The following STIMATE variants were observed in gnomAD, a reference collection of about 807,000 sequenced individuals.
STIMATE encodes the protein STIM activating enhancer.
Under a neutral mutation model 36.7 loss-of-function variants are expected in STIMATE, and 15 were observed. The observed-to-expected ratio is 0.41, with a 90% CI of 0.27 to 0.63. The LOEUF (loss-of-function observed/expected upper bound fraction) is 0.63. Ranked by LOEUF, STIMATE falls within the 20% of genes least tolerant of loss-of-function variation. The probability of loss-of-function intolerance (pLI) is 0.32; values close to 1 mark genes in which losing one functional copy is unlikely to be tolerated. For missense variants in STIMATE, 305 were observed against 397.3 expected, an observed-to-expected ratio of 0.77 and a Z score of 1.98; for synonymous variants, 163 against 162.3, an observed-to-expected ratio of 1.00 and a Z score of -0.03.
At chr3:52,851,214 T>C (rs540527612) in intron 3 of STIMATE, among the ~76,000 whole-genome samples, 2 of 152,358 alleles carry the variant, frequency 1.3e-5, no homozygotes, top group South Asian at 4.1e-4. Flanking sequence ...TTGAGGGCCT[T>C]GTACCCAGAT....
At chr3:52,859,502 CAAAAAAAAAAAAAAAA>C (rs34298807) in intron 1 of STIMATE, among the ~76,000 whole-genome samples, 1 of 15,636 alleles carries the variant, frequency 6.4e-5, no homozygotes, top group Non-Finnish European at 1.2e-4. Context: ...CCCATTTCTC[CAAAAAAAAAAAAAAAA>C]AAAAAAAAAA....
At position 52,838,704 on chromosome 3, in the gene STIMATE, G is replaced by A. The variant is rs2106640733; in HGVS notation, c.*1790C>T. ...CTGCACTCCTGGTGGAAGATGGGCTGAGAAGGCCTGCCTGATGCTCGCCTT... is the reference window on the plus strand; with the variant it reads ...CTGCACTCCTGGTGGAAGATGGGCTAAGAAGGCCTGCCTGATGCTCGCCTT... On this transcript the variant is annotated 3_prime_UTR_variant, in exon 8 of 8. Transcript: ENST00000355083. The A allele has an allele frequency of 6.6e-6, 1 of 152,402 alleles. No individual in the cohort carries two copies. Among genetic ancestry groups the A allele is most frequent in the East Asian group, 1.9e-4 (1 of 5,192 alleles). The allele number at this position is 152,402 out of a possible 1,614,324, so 9.4% of individuals were successfully genotyped here. A position where few individuals can be genotyped will look rare whatever the true frequency, so the allele number is the denominator to read the frequency against.
intron 1 of STIMATE, among the ~76,000 whole-genome samples, chr3:52,863,455 T>C (rs1701251859): frequency 6.6e-6 from 1 of 152,084 alleles, no homozygotes; most frequent in African/African-American, 2.4e-5. Flanking sequence ...TCCCACCAGG[T>C]CCCTCCCGCA....
At chr3:52,892,014 T>C (rs547708624) in intron 1 of STIMATE, among the ~76,000 whole-genome samples, 4 of 152,338 alleles carry the variant, frequency 2.6e-5, no homozygotes, top group Admixed American at 2.0e-4. Context: ...GGGCACCACA[T>C]GGCAGAGCGA....
chr3:52,843,050 G>T (rs553758243), intron 6 of STIMATE, 90 bp from the exon 7 acceptor site: 31 of 1,571,778 alleles, frequency 2.0e-5, no homozygotes, highest in Non-Finnish European at 2.5e-5. Context: ...CCCATTCCAG[G>T]TTATAAGATC....
rs547142008 is a variant in STIMATE at position 52,867,656 on chromosome 3, C to G, written c.161-12212G>C. ...GGGCCAGTGCCTCCTGCAACACAGG[C>G]GAGTGCTGAGGCAGCGGACTCTTCC... is the stretch of plus-strand genomic sequence containing the variant. On this transcript the variant is annotated intron_variant, in intron 1 of 7. Coordinates refer to ENST00000355083, the MANE Select transcript of STIMATE (RefSeq NM_198563.5). 6.6e-5 allele frequency among the ~76,000 whole-genome samples: 10 copies of G among 152,368 alleles called. No individual in the cohort carries two copies. The South Asian group carries it at 2.1e-3, about 32-fold the overall frequency.
chr3:52,848,396 T>C (rs1700942985), intron 4 of STIMATE: 1 of 152,184 alleles, frequency 6.6e-6, no homozygotes, highest in Admixed American at 6.5e-5. Context: ...GAAGACAAAA[T>C]GTGAGGGAAC....
intron 1 of STIMATE, among the ~76,000 whole-genome samples, chr3:52,874,299 T>A (rs1701462489): frequency 6.6e-6 from 1 of 152,200 alleles, no homozygotes; most frequent in African/African-American, 2.4e-5. Flanking sequence ...GGTAGATCTA[T>A]CTGCATTGAA....
chr3:52,859,531 ATTTTTTTTTTTT>A (rs563622429), intron 1 of STIMATE, among the ~76,000 whole-genome samples: 1 of 18,810 alleles, frequency 5.3e-5, no homozygotes, highest in African/African-American at 1.3e-4. Context: ...AAAAAAAAAA[ATTTTTTTTTTTT>A]TTTTTTTTTT....
intron 1 of STIMATE, among the ~76,000 whole-genome samples, chr3:52,882,892 G>C (rs1360486747): frequency 6.6e-6 from 1 of 152,158 alleles, no homozygotes; most frequent in Non-Finnish European, 1.5e-5. Context: ...ATCATAAACA[G>C]GGGACGCCGA....
chr3:52,868,863 G>C (rs952902706), intron 1 of STIMATE, among the ~76,000 whole-genome samples: 2 of 152,080 alleles, frequency 1.3e-5, no homozygotes, highest in African/African-American at 4.8e-5. Flanking sequence ...TAAGTGATCC[G>C]CCTGCCTTGG....
At chr3:52,878,748 A>C (rs564919225) in intron 1 of STIMATE, among the ~76,000 whole-genome samples, 7 of 152,182 alleles carry the variant, frequency 4.6e-5, no homozygotes, top group Non-Finnish European at 1.0e-4. Flanking sequence ...CTGGTTATGA[A>C]GCTACATAAA....
intron 1 of STIMATE, among the ~76,000 whole-genome samples, chr3:52,870,755 C>T (rs529045280): frequency 3.6e-4 from 55 of 152,216 alleles, no homozygotes; most frequent in Middle Eastern, 3.4e-3. Context: ...TGGGAGGTGC[C>T]CAGGAAACAC....
chr3:52,864,252 C>T (rs1701265509), intron 1 of STIMATE, among the ~76,000 whole-genome samples: 1 of 152,224 alleles, frequency 6.6e-6, no homozygotes, highest in Admixed American at 6.5e-5. Context: ...GGCGGAGGTT[C>T]CCAAACTCCA....
chr3:52,842,807 C>G lies in STIMATE; in HGVS notation c.768+4G>C. The G allele has an allele frequency of 6.2e-7, 1 of 1,614,186 alleles. No individual in the cohort carries two copies. Among genetic ancestry groups the G allele is most frequent in the East Asian group, 2.2e-5 (1 of 44,888 alleles). ...GGGCCCTTGGAGAGTCAGGGAGGCC[C>G]TACCTCAGACTCAGACTCCTCGTGG... On this transcript the variant is annotated splice_donor_region_variant and intron_variant, in intron 7 of 7. Transcript: ENST00000355083.
In STIMATE at chr3:52,851,869, G is replaced by A. The variant is rs181049436; in HGVS notation, c.305+734C>T. Among the ~76,000 whole-genome samples, 266 of 152,340 alleles carry A rather than the reference G, an allele frequency of 1.7e-3. 2 individuals carry two copies. The highest frequency in any genetic ancestry group is 4.9e-4 in the Non-Finnish European group (33 of 68,036). Reference sequence around the variant, plus strand: ...TCATGTGGGCCCTGGAAGCCAGACTGGCTGGGCTCCATGACTCCTGAGCGG... The same window carrying A: ...TCATGTGGGCCCTGGAAGCCAGACTAGCTGGGCTCCATGACTCCTGAGCGG... On this transcript the variant is annotated intron_variant, in intron 3 of 7. Coordinates refer to ENST00000355083, the MANE Select transcript of STIMATE (RefSeq NM_198563.5).
At chr3:52,888,182 C>T (rs999592791) in intron 1 of STIMATE, among the ~76,000 whole-genome samples, 1 of 151,622 alleles carries the variant, frequency 6.6e-6, no homozygotes. Flanking sequence ...CCCTTTTTTG[C>T]TCCAGGGCTT....
At chr3:52,852,004 A>T (rs1487592291) in intron 3 of STIMATE, among the ~76,000 whole-genome samples, 4 of 152,206 alleles carry the variant, frequency 2.6e-5, no homozygotes, top group African/African-American at 4.8e-5. Flanking sequence ...GGACAAAGGG[A>T]GGCAGAAGAT....
intron 4 of STIMATE, among the ~76,000 whole-genome samples, chr3:52,848,713 C>A (rs2336159): frequency 0.89 from 135,448 of 152,122 alleles, 62,185 homozygotes; most frequent in Non-Finnish European, 1. Context: ...CTATAAATGA[C>A]GATGATGCTG....
Sources: gnomAD v4.1 joint callset for allele counts (sites outside exome capture counted in the v4.1 genomes callset) on GRCh38, gnomAD v4.1.1 for gene constraint, MANE v1.5 for transcripts, NCBI Gene and HGNC (gene_info 2026-07-23, HGNC 2026-07-21) for gene names.